Variants in AGPS observed in about 807,000 individuals in gnomAD.
The protein encoded by AGPS is alkyldihydroxyacetonephosphate synthase, peroxisomal.
A neutral mutation model predicts 90.7 loss-of-function variants in AGPS; 26 were observed. The observed-to-expected ratio is 0.29, with a 90% CI of 0.21 to 0.40. The LOEUF (loss-of-function observed/expected upper bound fraction) is 0.40. Ranked by LOEUF, AGPS falls within the 10% of genes least tolerant of loss-of-function variation. The pLI, the probability that AGPS is intolerant of heterozygous loss-of-function variation, is 1.00. For synonymous variants in AGPS, 294 were observed against 285.3 expected (o/e 1.03, Z -0.31); for missense variants, 540 against 816.1 (o/e 0.66, Z 4.12).
chr2:177,536,775 A>G (rs927627847), intron 19 of AGPS, among the ~76,000 whole-genome samples: 2 of 152,166 alleles, frequency 1.3e-5, no homozygotes, highest in Admixed American at 1.3e-4. Flanking sequence ...AGCCAAGCAG[A>G]TAATTTGCTT....
intron 5 of AGPS, among the ~76,000 whole-genome samples, chr2:177,439,458 A>G (rs528569172): frequency 1.3e-5 from 2 of 152,252 alleles, no homozygotes; most frequent in South Asian, 2.1e-4. Context: ...AGATTTTTTA[A>G]TAGACATCTT....
intron 2 of AGPS, among the ~76,000 whole-genome samples, chr2:177,430,112 TTC>T (rs1310239485): frequency 6.6e-6 from 1 of 152,222 alleles, no homozygotes. Context: ...GTGGGATTCC[TTC>T]TCATTCAGAC....
chr2:177,442,640 A>T (rs1239363922), intron 7 of AGPS, among the ~76,000 whole-genome samples, 154 bp downstream of exon 7: 1 of 152,076 alleles, frequency 6.6e-6, no homozygotes, highest in Non-Finnish European at 1.5e-5. Context: ...TGAGGTCGGG[A>T]GTTCGAGACC....
At chr2:177,485,790 GC>G (rs1204215078) in intron 11 of AGPS, among the ~76,000 whole-genome samples, 1 of 152,094 alleles carries the variant, frequency 6.6e-6, no homozygotes, top group Admixed American at 6.6e-5. Flanking sequence ...GGAGGCATGT[GC>G]CTGTAATCCT....
intron 18 of AGPS, among the ~76,000 whole-genome samples, 173 bp downstream of exon 18, chr2:177,521,541 GA>G (rs1227615152): frequency 6.6e-6 from 1 of 152,174 alleles, no homozygotes; most frequent in African/African-American, 2.4e-5. Context: ...ACTGAATTGT[GA>G]GTCTAAAATT....
In AGPS at chr2:177,505,626, CT is replaced by C. The variant is rs1296333883; in HGVS notation, c.1545+56del. On this transcript the variant is annotated intron_variant, in intron 15 of 19. Transcript: ENST00000264167. ...CACTTAATTTATGTTGCAAACAATA[CT>C]TTTTCTTACTTTAAGTGAATGCAAT... 3 of 1,490,540 alleles carry C rather than the reference CT, an allele frequency of 2.0e-6. No homozygotes were observed. In the East Asian group the frequency reaches 6.8e-5, roughly 34 times the overall value. 92.3% of individuals were successfully genotyped at this position (1,490,540 alleles called of 1,614,324 possible). A position where few individuals can be genotyped will look rare whatever the true frequency, so the allele number is the denominator to read the frequency against.
chr2:177,413,056 T>C (rs1230301779), intron 1 of AGPS, among the ~76,000 whole-genome samples: 1 of 152,136 alleles, frequency 6.6e-6, no homozygotes, highest in Admixed American at 6.5e-5. Flanking sequence ...AAAGCACAGC[T>C]GGAGCCATAA....
intron 17 of AGPS, among the ~76,000 whole-genome samples, chr2:177,520,526 G>A (rs1689149488): frequency 7.9e-6 from 1 of 126,166 alleles, no homozygotes; most frequent in African/African-American, 2.7e-5. Flanking sequence ...CATCCCATCT[G>A]TTTACTGTGG....
intron 19 of AGPS, among the ~76,000 whole-genome samples, chr2:177,530,271 A>G (rs1477664590): frequency 6.6e-6 from 1 of 152,248 alleles, no homozygotes; most frequent in African/African-American, 2.4e-5. Flanking sequence ...GAAATTTGCT[A>G]TCGAAGAATG....
intron 8 of AGPS, among the ~76,000 whole-genome samples, chr2:177,456,683 A>G (rs1687120298): frequency 1.3e-5 from 2 of 152,174 alleles, no homozygotes; most frequent in Non-Finnish European, 2.9e-5. Context: ...ATAATGAAGT[A>G]ACCTACCTGA....
At chr2:177,394,289 C>T (rs895646037) in intron 1 of AGPS, among the ~76,000 whole-genome samples, 5 of 152,190 alleles carry the variant, frequency 3.3e-5, no homozygotes, top group African/African-American at 9.7e-5. Context: ...ACCACCTGGT[C>T]ATTTAACCCA....
chr2:177,429,302 T>G (rs1229077966), intron 2 of AGPS, among the ~76,000 whole-genome samples: 1 of 152,216 alleles, frequency 6.6e-6, no homozygotes, highest in African/African-American at 2.4e-5. Context: ...ATCTGAAGCC[T>G]ACTTCTGTGA....
chr2:177,446,222 C>T (rs139423036), intron 8 of AGPS, among the ~76,000 whole-genome samples: 6,956 of 151,850 alleles, frequency 0.046, 214 homozygotes, highest in Middle Eastern at 0.085. Flanking sequence ...GACGTGATCT[C>T]GGTTCACTGC....
intron 9 of AGPS, among the ~76,000 whole-genome samples, chr2:177,465,279 G>C (rs1687412587): frequency 6.6e-6 from 1 of 151,754 alleles, no homozygotes; most frequent in Admixed American, 6.6e-5. Context: ...GGGTGACAAA[G>C]CAAGATCCTA....
intron 5 of AGPS, among the ~76,000 whole-genome samples, chr2:177,437,937 GTA>G (rs1373023278): frequency 3.3e-5 from 5 of 152,138 alleles, no homozygotes; most frequent in Admixed American, 2.0e-4. Flanking sequence ...CCTGATACTT[GTA>G]TATTAGTCTA....
chr2:177,536,577 G>A (rs1174451538), intron 19 of AGPS, among the ~76,000 whole-genome samples: 1 of 152,164 alleles, frequency 6.6e-6, no homozygotes, highest in Non-Finnish European at 1.5e-5. Context: ...TCCCTTAGGA[G>A]ATAATAGAAG....
In AGPS at chr2:177,490,877, C is replaced by CA. The variant is rs1574005395; in HGVS notation, c.1234-2270dup. Among the ~76,000 whole-genome samples, 8 of 62,964 alleles carry CA rather than the reference C, an allele frequency of 1.3e-4. No homozygotes were observed. In the East Asian group the frequency reaches 3.3e-3, roughly 26 times the overall value. The allele number at this position is 62,964 out of a possible 152,430, so 41.3% of individuals were successfully genotyped here. A position where few individuals can be genotyped will look rare whatever the true frequency, so the allele number is the denominator to read the frequency against. ...TTTTTTTTTTTTTTTTTTTTAAAGA[C>CA]AGAGTTTTGCTTTTGTTGCCCAGGC... On this transcript the variant is annotated intron_variant, in intron 11 of 19. Transcript: ENST00000264167.
intron 10 of AGPS, among the ~76,000 whole-genome samples, chr2:177,469,864 T>C (rs1436609621): frequency 6.6e-6 from 1 of 152,194 alleles, no homozygotes; most frequent in Non-Finnish European, 1.5e-5. Context: ...AGTTAGCCTT[T>C]TAAAAATTCT....
chr2:177,481,420 T>G (rs1687940388), intron 10 of AGPS, among the ~76,000 whole-genome samples: 1 of 151,912 alleles, frequency 6.6e-6, no homozygotes, highest in South Asian at 2.1e-4. Context: ...GTGTGTGTGT[T>G]TTTATTTTTT....
Sources: gnomAD v4.1 joint callset for allele counts (sites outside exome capture counted in the v4.1 genomes callset) on GRCh38, gnomAD v4.1.1 for gene constraint, MANE v1.5 for transcripts, NCBI Gene and HGNC (gene_info 2026-07-23, HGNC 2026-07-21) for gene names.